Variants in TMEM178B observed in about 807,000 individuals in gnomAD.
TMEM178B encodes the protein transmembrane protein 178B.
Under a neutral mutation model 31.0 loss-of-function variants are expected in TMEM178B, and 5 were observed. That is an observed-to-expected ratio of 0.16 (90% CI 0.08 to 0.34). The LOEUF is 0.34. Ranked by LOEUF, TMEM178B falls within the 10% of genes least tolerant of loss-of-function variation. The pLI is 1.00. For missense variants in TMEM178B, 275 were observed against 400.3 expected (o/e 0.69, Z 2.67); for synonymous variants, 164 against 164.0 (o/e 1.00, Z 0.00).
chr7:141,416,716 G>A (rs1801103865), intron 2 of TMEM178B, among the ~76,000 whole-genome samples: 1 of 152,168 alleles, frequency 6.6e-6, no homozygotes, highest in African/African-American at 2.4e-5. Flanking sequence ...CCTTATTCAA[G>A]CAGGCTTCGA....
rs1037341421 is a variant in TMEM178B, at chr7:141,473,163, T to C, written c.*2377T>C. On this transcript the variant is annotated 3_prime_UTR_variant, in exon 4 of 4. Transcript: ENST00000565468. The stretch of plus-strand genomic sequence containing the variant: ...CAGTTTTTCAATTGGGCATTTTATT[T>C]CTAATTTTCTTTGAAAAGTTAGATT... The C allele has an allele frequency of 7.2e-5, 11 of 152,252 alleles. No homozygotes were observed. Among genetic ancestry groups the C allele is most frequent in the African/African-American group, 2.7e-4 (11 of 41,472 alleles). 9.4% of individuals were successfully genotyped at this position (152,252 alleles called of 1,614,324 possible).
At chr7:141,076,185 C>T (rs1345759044) in intron 1 of TMEM178B, among the ~76,000 whole-genome samples, 1 of 152,122 alleles carries the variant, frequency 6.6e-6, no homozygotes, top group Non-Finnish European at 1.5e-5. Context: ...TAGGGGAGTC[C>T]AGAAGAGACC....
chr7:141,392,072 T>G (rs1480748938), intron 2 of TMEM178B, among the ~76,000 whole-genome samples: 1 of 151,926 alleles, frequency 6.6e-6, no homozygotes, highest in Non-Finnish European at 1.5e-5. Context: ...TTTTTTTTTT[T>G]GAGAAACTGC....
chr7:141,076,636 G>A (rs753988936), intron 1 of TMEM178B, among the ~76,000 whole-genome samples: 5 of 152,156 alleles, frequency 3.3e-5, no homozygotes. Context: ...ATGTTCTTCC[G>A]GTGAAGCTGG....
intron 2 of TMEM178B, among the ~76,000 whole-genome samples, chr7:141,407,844 A>T (rs1800912115): frequency 6.6e-6 from 1 of 152,220 alleles, no homozygotes; most frequent in Non-Finnish European, 1.5e-5. Flanking sequence ...TTATAGCTGG[A>T]ACACTTTGGT....
chr7:141,379,305 A>T (rs1800272798), intron 2 of TMEM178B, among the ~76,000 whole-genome samples: 1 of 106,410 alleles, frequency 9.4e-6, no homozygotes, highest in South Asian at 3.3e-4. Flanking sequence ...CTGTTTTTCT[A>T]AAAAAAAAAA....
intron 3 of TMEM178B, among the ~76,000 whole-genome samples, chr7:141,448,019 A>G (rs1801792555): frequency 6.6e-6 from 1 of 151,676 alleles, no homozygotes; most frequent in Non-Finnish European, 1.5e-5. Context: ...AGATCTTAAG[A>G]AACCAGATCT....
intron 2 of TMEM178B, among the ~76,000 whole-genome samples, chr7:141,376,391 G>A (rs773720436): frequency 6.6e-6 from 1 of 152,150 alleles, no homozygotes; most frequent in African/African-American, 2.4e-5. Flanking sequence ...TTACTTTCTG[G>A]TCTAAAGAGG....
intron 1 of TMEM178B, among the ~76,000 whole-genome samples, chr7:141,148,242 C>T (rs558806252): frequency 2.6e-5 from 4 of 152,260 alleles, no homozygotes; most frequent in South Asian, 4.1e-4. Flanking sequence ...TTTACAAGGA[C>T]CTTTGAGATT....
chr7:141,105,860 C>G lies in TMEM178B; in HGVS notation c.382+31168C>G, dbSNP rs530897059. The stretch of plus-strand genomic sequence containing the variant: ...CTGTAATCCCAGCTGTTTGGGAGGC[C>G]AAGGTGGGTGGATCCCTTGAGCTCA... On this transcript the variant is annotated intron_variant, in intron 1 of 3. Coordinates refer to ENST00000565468, the MANE Select transcript of TMEM178B (RefSeq NM_001195278.2). Among the ~76,000 whole-genome samples the G allele has an allele frequency of 3.3e-5, 5 of 152,090 alleles. No individual in the cohort carries two copies. In the East Asian group the frequency reaches 7.8e-4, roughly 24 times the overall value.
intron 1 of TMEM178B, among the ~76,000 whole-genome samples, chr7:141,177,336 C>T (rs1228999967): frequency 6.6e-6 from 1 of 152,104 alleles, no homozygotes; most frequent in African/African-American, 2.4e-5. Context: ...CGTTCTTTTG[C>T]GTTTGCTGAG....
At chr7:141,458,066 C>T (rs1432941965) in intron 3 of TMEM178B, among the ~76,000 whole-genome samples, 1 of 152,160 alleles carries the variant, frequency 6.6e-6, no homozygotes, top group Non-Finnish European at 1.5e-5. Context: ...AGTCATATAT[C>T]CCTTTCTAGA....
At chr7:141,091,396 A>C (rs1794878126) in intron 1 of TMEM178B, among the ~76,000 whole-genome samples, 1 of 152,172 alleles carries the variant, frequency 6.6e-6, no homozygotes. Flanking sequence ...CCAGTGGTCT[A>C]TTTCAAACTG....
chr7:141,363,995 T>A (rs1586914045), intron 2 of TMEM178B, among the ~76,000 whole-genome samples: 1 of 151,468 alleles, frequency 6.6e-6, no homozygotes, highest in African/African-American at 2.4e-5. Flanking sequence ...GAAAAAAAAA[T>A]AAAGGTTAAG....
intron 1 of TMEM178B, among the ~76,000 whole-genome samples, chr7:141,144,861 C>T (rs1795826959): frequency 6.6e-6 from 1 of 152,128 alleles, no homozygotes; most frequent in African/African-American, 2.4e-5. Flanking sequence ...TGGCCCACAA[C>T]ACCGACGTTG....
intron 1 of TMEM178B, among the ~76,000 whole-genome samples, chr7:141,109,784 C>A (rs1795205285): frequency 6.6e-6 from 1 of 152,042 alleles, no homozygotes; most frequent in Non-Finnish European, 1.5e-5. Flanking sequence ...GAATAAAAAA[C>A]TGACTGTTGG....
chr7:141,276,979 C>T (rs1173697724), intron 2 of TMEM178B, among the ~76,000 whole-genome samples: 3 of 152,116 alleles, frequency 2.0e-5, no homozygotes, highest in Non-Finnish European at 2.9e-5. Context: ...GGGCACTTAT[C>T]GTGAATGGAG....
chr7:141,226,247 GCTGCT>G (rs991193291), intron 2 of TMEM178B, among the ~76,000 whole-genome samples: 12 of 152,150 alleles, frequency 7.9e-5, no homozygotes, highest in Non-Finnish European at 1.8e-4. Flanking sequence ...GAAGGAAGGA[GCTGCT>G]CTTCAGGTGG....
chr7:141,444,318 T>G (rs1801714381), intron 3 of TMEM178B, among the ~76,000 whole-genome samples: 1 of 152,216 alleles, frequency 6.6e-6, no homozygotes, highest in Admixed American at 6.5e-5. Flanking sequence ...GAACAATGTC[T>G]GTGCTCTTAA....
Sources: allele counts gnomAD v4.1 joint callset (sites outside exome capture counted in the v4.1 genomes callset), GRCh38; gene constraint gnomAD v4.1.1; transcripts MANE v1.5; gene names NCBI Gene and HGNC (gene_info 2026-07-23, HGNC 2026-07-21).